Variants in CCDC171 observed in about 807,000 individuals in gnomAD.
CCDC171 encodes the protein coiled-coil domain-containing protein 171.
CCDC171 carries 177 observed loss-of-function variants against 168.2 expected under a neutral mutation model. That is an observed-to-expected ratio of 1.05 (90% confidence interval 0.93 to 1.19). CCDC171 has a LOEUF of 1.19. Among genes scored for constraint, CCDC171 ranks in the 50% most tolerant of loss-of-function variants. The pLI is 0.00. For synonymous variants in CCDC171, 687 were observed against 540.8 expected (o/e 1.27, Z -3.75); for missense variants, 1,991 against 1,539.0 (o/e 1.29, Z -4.91).
chr9:16,034,478 GTAATT>G (rs1447344106), intron 6 of CCDC171, among the ~76,000 whole-genome samples: 1 of 152,188 alleles, frequency 6.6e-6, no homozygotes, highest in Non-Finnish European at 1.5e-5. Flanking sequence ...TTTTTCCACA[GTAATT>G]TGATTTGAGC....
chr9:15,696,526 T>C (rs1250357258), intron 11 of CCDC171, among the ~76,000 whole-genome samples: 2 of 152,232 alleles, frequency 1.3e-5, no homozygotes, highest in Non-Finnish European at 2.9e-5. Context: ...TTCAATTATA[T>C]TTGTTACAGC....
intron 25 of CCDC171, among the ~76,000 whole-genome samples, chr9:15,968,248 T>C (rs1446528914): frequency 6.6e-6 from 1 of 152,210 alleles, no homozygotes; most frequent in Non-Finnish European, 1.5e-5. Context: ...TGCCTAAATT[T>C]AGATTTACAT....
At chr9:15,725,791 G>T (rs2053762977) in intron 14 of CCDC171, among the ~76,000 whole-genome samples, 1 of 152,122 alleles carries the variant, frequency 6.6e-6, no homozygotes, top group Admixed American at 6.6e-5. Context: ...TCTACTTTAA[G>T]AGATAGCCTC....
chr9:16,048,570 G>T (rs865932835), intron 1 of CCDC171, among the ~76,000 whole-genome samples: 5 of 152,154 alleles, frequency 3.3e-5, no homozygotes, highest in South Asian at 4.2e-4. Flanking sequence ...AGATTTGGGG[G>T]CAAAATTTTC....
intron 21 of CCDC171, among the ~76,000 whole-genome samples, chr9:15,810,359 A>C (rs1563781631): frequency 6.6e-6 from 1 of 152,204 alleles, no homozygotes; most frequent in Non-Finnish European, 1.5e-5. Flanking sequence ...TGCCAGGGCC[A>C]CGGGCAGAGC....
At position 16,021,142 on chromosome 9, in the gene CCDC171, C is replaced by T. The variant is rs141117657; in HGVS notation, n.574+348C>T. 1.9e-3 allele frequency among the ~76,000 whole-genome samples: 291 copies of T among 152,320 alleles called. 2 individuals carry two copies. The highest frequency in any genetic ancestry group is 6.2e-3 in the African/African-American group (257 of 41,574). ...CACTCTTGTCACCCAGGCTGGAGTG[C>T]AATGGCGTGATCTCGGCGCACTGCA... On this transcript the variant is annotated intron_variant and non_coding_transcript_variant, in intron 4 of 9. Transcript: ENST00000486641.
intron 3 of CCDC171, among the ~76,000 whole-genome samples, chr9:15,987,022 A>G (rs1287434328): frequency 6.6e-6 from 1 of 152,182 alleles, no homozygotes; most frequent in Non-Finnish European, 1.5e-5. Context: ...AATGAGAACT[A>G]TGAATGTACT....
At chr9:15,682,297 A>T (rs1053257850) in intron 10 of CCDC171, among the ~76,000 whole-genome samples, 6 of 152,056 alleles carry the variant, frequency 3.9e-5, no homozygotes, top group South Asian at 4.1e-4. Flanking sequence ...CTAGCCCAGG[A>T]TACAGAAAGT....
chr9:15,841,940 G>A (rs1375800959), intron 21 of CCDC171, among the ~76,000 whole-genome samples: 1 of 151,910 alleles, frequency 6.6e-6, no homozygotes, highest in Non-Finnish European at 1.5e-5. Context: ...TTACATAACA[G>A]TAGGGCTGAA....
intron 10 of CCDC171, among the ~76,000 whole-genome samples, chr9:15,682,081 A>G (rs561667174): frequency 1.3e-5 from 2 of 151,958 alleles, no homozygotes; most frequent in South Asian, 4.2e-4. Context: ...CTTGGTCTTT[A>G]TTTTCTCTGT....
chr9:15,678,628 A>T, intron 9 of CCDC171, 130 bp from the exon 10 acceptor site: 1 of 615,392 alleles, frequency 1.6e-6, no homozygotes, highest in Non-Finnish European at 2.6e-6. Context: ...TTGAAAAAGG[A>T]GTTAGCCTTA....
Position 15,924,844 on chromosome 9 carries a change from T to A in CCDC171, c.3753+4422T>A, listed in dbSNP as rs919338212. Among the ~76,000 whole-genome samples the A allele has an allele frequency of 3.3e-5, 5 of 151,636 alleles. No individual in the cohort carries two copies. In the Middle Eastern group the frequency reaches 0.014, roughly 413 times the overall value. On this transcript the variant is annotated intron_variant, in intron 25 of 25. Transcript: ENST00000380701. ...TGCTCTATCCATTAGTTCCTTTCCA[T>A]CCCTTTCAATTTTTATGCAACATCA...
exon 1 of CCDC171, chr9:16,042,824 AAC>A (rs1173809998): frequency 6.6e-6 from 1 of 152,074 alleles, no homozygotes; most frequent in African/African-American, 2.4e-5. Context: ...AGGGAAAATA[AAC>A]ACACATGTAC....
intron 3 of CCDC171, among the ~76,000 whole-genome samples, chr9:15,575,944 T>A (rs1489818955): frequency 6.6e-6 from 1 of 152,046 alleles, no homozygotes; most frequent in Non-Finnish European, 1.5e-5. Context: ...ATGCAAAAAT[T>A]AGCTGGGCGT....
chr9:15,893,255 C>T (rs1244582701), intron 24 of CCDC171, among the ~76,000 whole-genome samples: 1 of 152,140 alleles, frequency 6.6e-6, no homozygotes, highest in African/African-American at 2.4e-5. Context: ...AACTGGACCC[C>T]TTCTTTACAC....
chr9:16,085,929 T>C, the CCDC171 span, among the ~76,000 whole-genome samples: 9 of 152,220 alleles, frequency 5.9e-5, no homozygotes, highest in African/African-American at 2.2e-4. Context: ...GAAATTTTTT[T>C]ATTGTTACGT....
chr9:15,575,215 G>T (rs141227514), intron 3 of CCDC171, among the ~76,000 whole-genome samples: 4,893 of 146,730 alleles, frequency 0.033, 107 homozygotes, highest in Middle Eastern at 0.087. Flanking sequence ...ACCCAGGTTG[G>T]AGTGCAATGG....
chr9:15,612,502 A>G (rs1373236109), intron 6 of CCDC171, among the ~76,000 whole-genome samples: 4 of 152,050 alleles, frequency 2.6e-5, no homozygotes, highest in Non-Finnish European at 1.5e-5. Context: ...TGTTCTTTTT[A>G]ACTTATGATC....
intron 18 of CCDC171, among the ~76,000 whole-genome samples, chr9:15,748,922 A>C (rs1317093652): frequency 6.6e-6 from 1 of 152,204 alleles, no homozygotes; most frequent in East Asian, 1.9e-4. Context: ...CGGGCAAAAT[A>C]ACCAGCTAAC....
Sources: allele counts gnomAD v4.1 joint callset (sites outside exome capture counted in the v4.1 genomes callset), GRCh38; gene constraint gnomAD v4.1.1; transcripts MANE v1.5; gene names NCBI Gene and HGNC (gene_info 2026-07-23, HGNC 2026-07-21).